The following ITIH5 variants were observed in gnomAD, a reference collection of about 807,000 sequenced individuals.
ITIH5 encodes the protein inter-alpha-trypsin inhibitor heavy chain H5.
Under a neutral mutation model 77.5 loss-of-function variants are expected in ITIH5, and 65 were observed. The ratio of observed to expected loss-of-function variants is 0.84; its 90% CI spans 0.69 to 1.03. The LOEUF (loss-of-function observed/expected upper bound fraction) is 1.03. ITIH5 is among the 50% of genes least tolerant of loss of function. The pLI is 0.00. For synonymous variants in ITIH5, 525 were observed against 494.3 expected, an observed-to-expected ratio of 1.06 and a Z score of -0.82; for missense variants, 1,208 against 1,213.1, an observed-to-expected ratio of 1.00 and a Z score of 0.06.
chr10:7,589,654 A>G (rs1184782361), intron 7 of ITIH5, among the ~76,000 whole-genome samples: 1 of 151,688 alleles, frequency 6.6e-6, no homozygotes, highest in African/African-American at 2.4e-5. Flanking sequence ...CTCCTCTGCT[A>G]TTCCCTCCTC....
intron 5 of ITIH5, chr10:7,620,517 T>C (rs1489549407): frequency 6.6e-6 from 1 of 152,206 alleles, no homozygotes; most frequent in African/African-American, 2.4e-5. Flanking sequence ...TGGAAGGCAG[T>C]TGAATGAGGG....
intron 4 of ITIH5, among the ~76,000 whole-genome samples, chr10:7,638,834 A>C (rs1440057470): frequency 6.6e-6 from 1 of 152,238 alleles, no homozygotes; most frequent in Non-Finnish European, 1.5e-5. Context: ...ATGTCTCCCA[A>C]TCAGTGATGT....
At chr10:7,596,637 A>G (rs535364851) in intron 7 of ITIH5, among the ~76,000 whole-genome samples, 1 of 152,254 alleles carries the variant, frequency 6.6e-6, no homozygotes, top group East Asian at 1.9e-4. Context: ...TGGCACCATC[A>G]CTTGCCTCAG....
chr10:7,583,337 GT>G (rs1832606078), intron 8 of ITIH5, among the ~76,000 whole-genome samples: 2 of 152,120 alleles, frequency 1.3e-5, no homozygotes, highest in Non-Finnish European at 1.5e-5. Context: ...CCTTTCTTTT[GT>G]TTGTTTGTTT....
intron 5 of ITIH5, among the ~76,000 whole-genome samples, chr10:7,625,121 A>T (rs985641622): frequency 1.3e-5 from 2 of 151,836 alleles, no homozygotes; most frequent in African/African-American, 2.4e-5. Context: ...AACCGAGAAA[A>T]GCAGAGTGGC....
At chr10:7,626,340 G>A (rs368778562) in intron 5 of ITIH5, among the ~76,000 whole-genome samples, 8 of 152,198 alleles carry the variant, frequency 5.3e-5, no homozygotes, top group Admixed American at 1.3e-4. Context: ...TGGGTTGACC[G>A]AGCCACAGCC....
rs1832259836 is a variant in ITIH5 at position 7,569,721 on chromosome 10, A to G, written c.2096T>C (p.Ile699Thr). The part of the protein sequence containing the change: ...PLSRLTVCFN[I>T]DGQPGDILRL... ...GAGGATGTCCCCGGGCTGCCCATCA[A>G]TGTTGAAGCACACGGTGAGTCTGCT... The change falls in exon 12 of 14, where the codon ATT (isoleucine) becomes ACT (threonine). Residue 699 changes from isoleucine to threonine, a missense_variant. Coordinates refer to ENST00000397146, the MANE Select transcript of ITIH5 (RefSeq NM_030569.7). 1.2e-6 allele frequency: 2 copies of G among 1,613,390 alleles called. No homozygotes were observed. Among genetic ancestry groups the G allele is most frequent in the Non-Finnish European group, 1.7e-6 (2 of 1,179,762 alleles).
intron 11 of ITIH5, among the ~76,000 whole-genome samples, chr10:7,570,684 G>A (rs984810941): frequency 6.6e-6 from 1 of 152,150 alleles, no homozygotes; most frequent in African/African-American, 2.4e-5. Flanking sequence ...GTACAGTGGT[G>A]CAATCAGAGC....
intron 1 of ITIH5, 81 bp downstream of exon 1, chr10:7,666,722 C>T: frequency 3.4e-6 from 4 of 1,166,810 alleles, no homozygotes; most frequent in South Asian, 1.4e-5. Context: ...GAAGGGGGCC[C>T]GGGCAGAAGC....
rs187803862 is a variant in ITIH5, at chr10:7,573,803, A to T, written c.1979-608T>A. Among the ~76,000 whole-genome samples the T allele has an allele frequency of 4.9e-3, 742 of 152,034 alleles. 7 individuals carry two copies. The highest frequency in any genetic ancestry group is 0.017 in the African/African-American group (708 of 41,478). ...ATTCTTTTCTGTGATTTTTGTGTATATTATAGGGGAAAATATTTTATCACA... is the reference window on the plus strand; with the variant it reads ...ATTCTTTTCTGTGATTTTTGTGTATTTTATAGGGGAAAATATTTTATCACA... On this transcript the variant is annotated intron_variant, in intron 10 of 13. Transcript: ENST00000397146.
chr10:7,581,162 AGG>A (rs1832544092), intron 8 of ITIH5, among the ~76,000 whole-genome samples: 1 of 152,224 alleles, frequency 6.6e-6, no homozygotes, highest in Non-Finnish European at 1.5e-5. Flanking sequence ...CGGATGGCTA[AGG>A]TCAGAAAATC....
intron 11 of ITIH5, chr10:7,572,897 C>T: frequency 5.3e-6 from 2 of 374,858 alleles, no homozygotes; most frequent in Middle Eastern, 8.0e-4. Context: ...CCTGCCTCAG[C>T]CTCCCCAGTA....
chr10:7,664,657 G>A (rs1834333886), intron 1 of ITIH5, among the ~76,000 whole-genome samples: 1 of 152,142 alleles, frequency 6.6e-6, no homozygotes, highest in African/African-American at 2.4e-5. Flanking sequence ...TGAATCTAAG[G>A]TGTTACTGGT....
intron 5 of ITIH5, chr10:7,620,535 A>G (rs1012402015): frequency 1.3e-5 from 2 of 152,218 alleles, no homozygotes; most frequent in Admixed American, 6.5e-5. Context: ...GGGTATACCT[A>G]TGTAAAATTT....
intron 9 of ITIH5, 71 bp from the exon 10 acceptor site, chr10:7,577,083 G>A (rs1832442165): frequency 9.8e-6 from 13 of 1,329,690 alleles, no homozygotes; most frequent in African/African-American, 4.4e-5. Context: ...AGTCCTAAAG[G>A]AAACTGCAGA....
At chr10:7,573,420 G>A (rs1832344078) in intron 10 of ITIH5, among the ~76,000 whole-genome samples, 1 of 151,808 alleles carries the variant, frequency 6.6e-6, no homozygotes, top group African/African-American at 2.4e-5. Context: ...TAATCCCAGT[G>A]CTTCCGGAGG....
At chr10:7,564,187 T>C (rs371428861) in intron 13 of ITIH5, among the ~76,000 whole-genome samples, 13 of 152,346 alleles carry the variant, frequency 8.5e-5, no homozygotes, top group East Asian at 3.9e-4. Flanking sequence ...TACATTTTAA[T>C]TCCTCATTCA....
Position 7,577,005 on chromosome 10 carries a change from C to T in ITIH5, c.1426G>A (p.Asp476Asn), listed in dbSNP as rs199957851. 51 of 1,606,968 alleles carry T rather than the reference C, an allele frequency of 3.2e-5. No individual in the cohort carries two copies. Among genetic ancestry groups the T allele is most frequent in the Non-Finnish European group, 2.3e-5 (27 of 1,175,236 alleles). The change falls in exon 10 of 14, where the codon GAT becomes AAT. Residue 476 changes from aspartate (D) to asparagine (N), a missense_variant. Physicochemically the swap from Asp to Asn is conservative, Grantham distance 23. Coordinates refer to ENST00000397146, the MANE Select transcript of ITIH5 (RefSeq NM_030569.7). ...GAGAGGAGCGGGGTCCTGATTTCAT[C>T]GTAGAACCTGCAGTGGAAGCACAGG... is the stretch of plus-strand genomic sequence containing the variant. ...DAGSQLIGFY[D>N]EIRTPLLSDI... is the part of the protein sequence containing the mutation.
At chr10:7,652,521 A>G (rs894849259) in intron 2 of ITIH5, among the ~76,000 whole-genome samples, 2 of 152,224 alleles carry the variant, frequency 1.3e-5, no homozygotes, top group Non-Finnish European at 2.9e-5. Flanking sequence ...CTGGATGGTC[A>G]GTAAAGTTCA....
Sources: gnomAD v4.1 joint callset for allele counts (sites outside exome capture counted in the v4.1 genomes callset) on GRCh38, gnomAD v4.1.1 for gene constraint, MANE v1.5 for transcripts, NCBI Gene and HGNC (gene_info 2026-07-23, HGNC 2026-07-21) for gene names.